ZMIZ1: variants seen among roughly 807,000 people sequenced by gnomAD.
ZMIZ1 encodes the protein zinc finger MIZ-type containing 1.
ZMIZ1 carries 17 observed loss-of-function variants against 113.9 expected under a neutral mutation model. That is an observed-to-expected ratio of 0.15 (90% CI 0.10 to 0.22). ZMIZ1 has a LOEUF of 0.22. ZMIZ1 is among the 10% of genes least tolerant of loss of function. ZMIZ1 has a pLI of 1.00. For synonymous variants in ZMIZ1, 607 were observed against 603.1 expected (o/e 1.01, Z -0.09); for missense variants, 1,059 against 1,477.8 (o/e 0.72, Z 4.65).
intron 4 of ZMIZ1, among the ~76,000 whole-genome samples, chr10:79,171,296 C>T (rs970767624): frequency 6.6e-6 from 1 of 152,220 alleles, no homozygotes; most frequent in African/African-American, 2.4e-5. Context: ...CGGGCCTTCA[C>T]TCCACCGGGG....
intron 1 of ZMIZ1, among the ~76,000 whole-genome samples, chr10:79,074,026 C>T (rs989705747): frequency 2.6e-5 from 4 of 152,178 alleles, no homozygotes; most frequent in East Asian, 1.9e-4. Context: ...GCCACGGGCG[C>T]GTGATGACAG....
chr10:79,290,829 A>AT (rs1648946908), intron 9 of ZMIZ1, 130 bp from the exon 10 acceptor site: 1 of 1,080,854 alleles, frequency 9.3e-7, no homozygotes. Context: ...TCCACCCTCC[A>AT]TTTTTTTCCT....
intron 7 of ZMIZ1, among the ~76,000 whole-genome samples, chr10:79,254,411 G>T (rs1197906858): frequency 2.0e-5 from 3 of 152,366 alleles, no homozygotes; most frequent in East Asian, 3.9e-4. Flanking sequence ...GAGTCAGGGT[G>T]CCCTGGGTTT....
chr10:79,080,552 G>A (rs999336309), intron 1 of ZMIZ1, among the ~76,000 whole-genome samples: 5 of 152,008 alleles, frequency 3.3e-5, no homozygotes, highest in African/African-American at 9.7e-5. Context: ...CAGGTGATCC[G>A]CCCGCCTTGG....
chr10:79,167,948 C>T (rs898417305), intron 4 of ZMIZ1, among the ~76,000 whole-genome samples: 7 of 152,188 alleles, frequency 4.6e-5, no homozygotes, highest in Non-Finnish European at 2.9e-5. Flanking sequence ...GGGATGGCTC[C>T]AAGGCTAGGA....
intron 6 of ZMIZ1, among the ~76,000 whole-genome samples, chr10:79,212,687 C>T (rs777731732): frequency 1.0e-4 from 15 of 150,002 alleles, no homozygotes; most frequent in Non-Finnish European, 1.6e-4. Context: ...ACTCAGGAGG[C>T]GGAGGTTGCA....
intron 1 of ZMIZ1, among the ~76,000 whole-genome samples, chr10:79,116,261 A>G (rs1217532791): frequency 6.6e-6 from 1 of 152,118 alleles, no homozygotes; most frequent in Non-Finnish European, 1.5e-5. Context: ...TGCTCTGGCC[A>G]TCACAGTATG....
intron 7 of ZMIZ1, among the ~76,000 whole-genome samples, chr10:79,260,132 A>G (rs1328744426): frequency 6.6e-6 from 1 of 152,370 alleles, no homozygotes. Context: ...TCAAAACAGC[A>G]TGCATACTCT....
intron 4 of ZMIZ1, among the ~76,000 whole-genome samples, chr10:79,164,618 C>T (rs993088086): frequency 1.3e-5 from 2 of 152,224 alleles, no homozygotes; most frequent in African/African-American, 4.8e-5. Context: ...CAGGAGACCT[C>T]AGGCCCCTTA....
intron 24 of ZMIZ1, among the ~76,000 whole-genome samples, chr10:79,311,928 C>G (rs970828429): frequency 6.6e-6 from 1 of 152,208 alleles, no homozygotes; most frequent in Non-Finnish European, 1.5e-5. Context: ...TCTTCACCCC[C>G]AGCCCTGCTC....
At chr10:79,234,658 T>C (rs1181584196) in intron 7 of ZMIZ1, among the ~76,000 whole-genome samples, 1 of 152,112 alleles carries the variant, frequency 6.6e-6, no homozygotes, top group Non-Finnish European at 1.5e-5. Context: ...CAAATAAATA[T>C]AGGAGAATGG....
At chr10:79,262,950 G>A (rs765688910) in intron 7 of ZMIZ1, among the ~76,000 whole-genome samples, 14 of 152,218 alleles carry the variant, frequency 9.2e-5, no homozygotes, top group East Asian at 1.9e-4. Flanking sequence ...GGAATGGAAC[G>A]ACCGATTAGG....
chr10:79,237,478 G>T (rs1478169360), intron 7 of ZMIZ1, among the ~76,000 whole-genome samples: 3 of 152,218 alleles, frequency 2.0e-5, no homozygotes, highest in African/African-American at 7.2e-5. Flanking sequence ...CCAGAGGAAG[G>T]TGTCAGTAGG....
intron 2 of ZMIZ1, among the ~76,000 whole-genome samples, chr10:79,136,150 C>T (rs1273774055): frequency 6.6e-6 from 1 of 152,180 alleles, no homozygotes; most frequent in African/African-American, 2.4e-5. Flanking sequence ...TCATGTAGGT[C>T]ACCACTCTCA....
intron 8 of ZMIZ1, among the ~76,000 whole-genome samples, chr10:79,286,304 G>T (rs1223961752): frequency 1.3e-5 from 2 of 152,248 alleles, no homozygotes; most frequent in African/African-American, 4.8e-5. Context: ...ACAGGGACCA[G>T]GCATTCCCCC....
At chr10:79,083,234 G>C (rs1303075941) in intron 1 of ZMIZ1, among the ~76,000 whole-genome samples, 3 of 152,208 alleles carry the variant, frequency 2.0e-5, no homozygotes, top group African/African-American at 7.2e-5. Context: ...GGTCAGGGAA[G>C]GCTTCTCTGA....
At chr10:79,227,712 C>A (rs1298178969) in intron 7 of ZMIZ1, among the ~76,000 whole-genome samples, 1 of 152,182 alleles carries the variant, frequency 6.6e-6, no homozygotes, top group Non-Finnish European at 1.5e-5. Flanking sequence ...AGCACAAAAC[C>A]TAGTGTTGTA....
At chr10:79,223,319 C>G (rs568178014) in intron 7 of ZMIZ1, among the ~76,000 whole-genome samples, 14 of 152,386 alleles carry the variant, frequency 9.2e-5, no homozygotes, top group Admixed American at 7.8e-4. Context: ...AGCAGGCAGG[C>G]AGGCCCTTGC....
intron 1 of ZMIZ1, among the ~76,000 whole-genome samples, chr10:79,113,904 T>C (rs533712088): frequency 6.6e-6 from 1 of 152,282 alleles, no homozygotes; most frequent in South Asian, 2.1e-4. Context: ...AGGCCTGATG[T>C]GTAGTATCAG....
Sources: allele counts gnomAD v4.1 joint callset (sites outside exome capture counted in the v4.1 genomes callset), GRCh38; gene constraint gnomAD v4.1.1; transcripts MANE v1.5; gene names NCBI Gene and HGNC (gene_info 2026-07-23, HGNC 2026-07-21).